The following ELOVL4 variants were observed in gnomAD, a reference collection of about 807,000 sequenced individuals.
ELOVL4 encodes ELOVL fatty acid elongase 4, also known as very long chain fatty acid elongase 4.
In ELOVL4, 18 loss-of-function variants were observed where a neutral mutation model predicts 42.1. The ratio of observed to expected loss-of-function variants is 0.43; its 90% CI spans 0.30 to 0.63. The LOEUF (loss-of-function observed/expected upper bound fraction) is 0.63. ELOVL4 is among the 30% of genes least tolerant of loss of function. ELOVL4 has a pLI of 0.15. For missense variants in ELOVL4, 299 were observed against 376.2 expected (o/e 0.79, Z 1.70); for synonymous variants, 117 against 127.0 (o/e 0.92, Z 0.53).
At chr6:79,919,288 T>G in intron 5 of ELOVL4, 132 bp downstream of exon 5, 2 of 1,015,236 alleles carry the variant, frequency 2.0e-6, no homozygotes, top group South Asian at 2.8e-5. Flanking sequence ...TGGGCATAAC[T>G]GCGATATAGC....
chr6:79,923,353 A>G (rs947529200), intron 3 of ELOVL4, among the ~76,000 whole-genome samples: 1 of 151,994 alleles, frequency 6.6e-6, no homozygotes, highest in Non-Finnish European at 1.5e-5. Flanking sequence ...TTCTCATAAT[A>G]GCTCATTTTT....
At chr6:79,925,979 T>C (rs1400533846) in intron 2 of ELOVL4, among the ~76,000 whole-genome samples, 1 of 152,194 alleles carries the variant, frequency 6.6e-6, no homozygotes, top group African/African-American at 2.4e-5. Flanking sequence ...TACTTTAGAA[T>C]CCAGTTGGTC....
At chr6:79,944,484 T>A (rs1582057719) in intron 1 of ELOVL4, among the ~76,000 whole-genome samples, 1 of 152,228 alleles carries the variant, frequency 6.6e-6, no homozygotes. Flanking sequence ...AAAGTATAGC[T>A]CTTTCAAACT....
intron 1 of ELOVL4, among the ~76,000 whole-genome samples, chr6:79,931,159 TATCAA>T (rs1231084995): frequency 6.6e-6 from 1 of 152,196 alleles, no homozygotes; most frequent in Admixed American, 6.5e-5. Context: ...CAAATTTGTT[TATCAA>T]ATTATTTTTA....
rs757186154 is a variant in ELOVL4 at position 79,916,630 on chromosome 6, T to C, written c.923A>G (p.Asn308Ser). 4.3e-6 allele frequency: 7 copies of C among 1,614,124 alleles called. No homozygotes were observed. The highest frequency in any genetic ancestry group is 2.7e-5 in the African/African-American group (2 of 75,062). The change falls in exon 6 of 6, where the codon AAT becomes AGT. Residue 308 changes from asparagine (N) to serine (S), a missense_variant. Coordinates refer to ENST00000369816, the MANE Select transcript of ELOVL4 (RefSeq NM_022726.4). The part of the protein sequence containing the change: ...LMIENGKKQK[N>S]GKAKGD ...AATTTAATCTCCTTTTGCTTTTCCA[T>C]TTTTCTGCTTTTTTCCATTTTCTAT...
Position 79,916,815 on chromosome 6 carries a change from C to A in ELOVL4, c.738G>T (p.Trp246Cys), listed in dbSNP as rs267601133. The change falls in exon 6 of 6, where the codon TGG becomes TGT. Residue 246 changes from tryptophan to cysteine, a missense_variant. Physicochemically the swap from Trp to Cys is radical, Grantham distance 215. Coordinates refer to ENST00000369816, the MANE Select transcript of ELOVL4 (RefSeq NM_022726.4). ...SLYTDCPFPK[W>C]MHWALIAYAI... The stretch of plus-strand genomic sequence containing the variant: ...CATAGGCAATTAGAGCCCAGTGCAT[C>A]CATTTGGGGAAGGGGCAGTCAGTGT... 6.2e-7 allele frequency: 1 copy of A among 1,614,098 alleles called. No homozygotes were observed. Among genetic ancestry groups the A allele is most frequent in the Admixed American group, 1.7e-5 (1 of 60,012 alleles).
At chr6:79,924,228 C>T (rs919531005) in intron 3 of ELOVL4, among the ~76,000 whole-genome samples, 8 of 151,996 alleles carry the variant, frequency 5.3e-5, no homozygotes, top group Non-Finnish European at 1.2e-4. Flanking sequence ...TTGTTCTATG[C>T]CTAATTTCCT....
At chr6:79,946,607 G>A (rs1031400398) in intron 1 of ELOVL4, among the ~76,000 whole-genome samples, 15 of 152,148 alleles carry the variant, frequency 9.9e-5, no homozygotes, top group African/African-American at 3.6e-4. Flanking sequence ...CATTCTTCAA[G>A]GTTCAAGGAG....
intron 1 of ELOVL4, among the ~76,000 whole-genome samples, chr6:79,935,981 G>T (rs1774535317): frequency 6.6e-6 from 1 of 152,122 alleles, no homozygotes; most frequent in Non-Finnish European, 1.5e-5. Flanking sequence ...ATTTTAATAA[G>T]ATTCCACAGT....
chr6:79,919,566 T>A lies in ELOVL4; in HGVS notation c.542-19A>T. On this transcript the variant is annotated intron_variant, in intron 4 of 5. Coordinates refer to ENST00000369816, the MANE Select transcript of ELOVL4 (RefSeq NM_022726.4). The stretch of plus-strand genomic sequence containing the variant: ...AAAAATGCTTTAGAAAAACAACAGG[T>A]AATTACAAGATACAGAAAATTTTAT... 6.2e-7 allele frequency: 1 copy of A among 1,612,380 alleles called. No individual in the cohort carries two copies. The highest frequency in any genetic ancestry group is 8.5e-7 in the Non-Finnish European group (1 of 1,179,194).
intron 1 of ELOVL4, among the ~76,000 whole-genome samples, chr6:79,939,015 G>A (rs1407923141): frequency 6.6e-6 from 1 of 152,148 alleles, no homozygotes; most frequent in African/African-American, 2.4e-5. Context: ...TGGAAAAAAT[G>A]CCTTCAAGGC....
At chr6:79,940,642 A>C (rs1774630631) in intron 1 of ELOVL4, among the ~76,000 whole-genome samples, 1 of 152,212 alleles carries the variant, frequency 6.6e-6, no homozygotes, top group Non-Finnish European at 1.5e-5. Context: ...AGATGTTATA[A>C]GGATTCAATA....
In ELOVL4 at chr6:79,916,684, C is replaced by A. The variant is rs368166833; in HGVS notation, c.869G>T (p.Gly290Val). ...KTAMNGISAN[G>V]VSKSEKQLMI... ...GAGTTGTTTTTCTGATTTGCTCACA[C>A]CATTTGCTGAAATACCATTCATGGC... The change falls in exon 6 of 6, where the codon GGT (glycine) becomes GTT (valine). Residue 290 changes from glycine (G) to valine (V), a missense_variant. Physicochemically the swap from Gly to Val is moderately radical, Grantham distance 109. Transcript: ENST00000369816. 6.2e-7 allele frequency: 1 copy of A among 1,614,130 alleles called. No individual in the cohort carries two copies. Among genetic ancestry groups the A allele is most frequent in the Non-Finnish European group, 8.5e-7 (1 of 1,180,032 alleles).
rs1159237928 is a variant in ELOVL4 at position 79,923,029 on chromosome 6, G to A, written c.370-1233C>T. ...AAAATAAAGTAACTGTCACCATTTT[G>A]GCATCGTAACCTTTAACTAGAAGGA... On this transcript the variant is annotated intron_variant, in intron 3 of 5. Transcript: ENST00000369816. 2.0e-5 allele frequency among the ~76,000 whole-genome samples: 3 copies of A among 151,950 alleles called. No individual in the cohort carries two copies. The East Asian group carries it at 5.8e-4, about 29-fold the overall frequency.
chr6:79,928,734 T>TTTG (rs1774390638), intron 1 of ELOVL4, among the ~76,000 whole-genome samples: 1 of 137,384 alleles, frequency 7.3e-6, no homozygotes, highest in African/African-American at 2.9e-5. Flanking sequence ...TGGGTTTTTT[T>TTTG]TTTTTTTTTT....
chr6:79,924,740 C>T (rs141931863), intron 3 of ELOVL4, among the ~76,000 whole-genome samples: 18 of 152,136 alleles, frequency 1.2e-4, no homozygotes, highest in African/African-American at 4.1e-4. Context: ...GAGGCTGAGG[C>T]AGAAGGATCA....
intron 1 of ELOVL4, among the ~76,000 whole-genome samples, chr6:79,939,784 C>A (rs981178793): frequency 2.6e-5 from 4 of 152,090 alleles, no homozygotes; most frequent in African/African-American, 9.7e-5. Flanking sequence ...GCATTATAGG[C>A]ATGAGCCACT....
chr6:79,941,595 G>A (rs184129050), intron 1 of ELOVL4, among the ~76,000 whole-genome samples: 5 of 152,226 alleles, frequency 3.3e-5, no homozygotes, highest in African/African-American at 1.2e-4. Context: ...GGCACAGTGG[G>A]TCGTGCCTGT....
At chr6:79,933,333 C>T (rs185481988) in intron 1 of ELOVL4, among the ~76,000 whole-genome samples, 3 of 152,238 alleles carry the variant, frequency 2.0e-5, no homozygotes, top group Admixed American at 6.5e-5. Context: ...AGGGCGTAAG[C>T]GATTTTCGTG....
Sources: allele counts gnomAD v4.1 joint callset (sites outside exome capture counted in the v4.1 genomes callset), GRCh38; gene constraint gnomAD v4.1.1; transcripts MANE v1.5; gene names NCBI Gene and HGNC (gene_info 2026-07-23, HGNC 2026-07-21).